SPG11: variants seen among roughly 807,000 people sequenced by gnomAD.
The protein encoded by SPG11 is spatacsin.
A neutral mutation model predicts 274.0 loss-of-function variants in SPG11; 222 were observed. That is an observed-to-expected ratio of 0.81 (90% CI 0.73 to 0.91). SPG11 has a LOEUF of 0.91. Ranked by LOEUF, SPG11 falls within the 40% of genes least tolerant of loss-of-function variation. The pLI, the probability that SPG11 is intolerant of heterozygous loss-of-function variation, is 0.00. For synonymous variants in SPG11, 1,144 were observed against 1,039.7 expected, an observed-to-expected ratio of 1.10 and a Z score of -1.93; for missense variants, 3,114 against 2,872.7, an observed-to-expected ratio of 1.08 and a Z score of -1.92.
chr15:44,596,443 T>C lies in SPG11; in HGVS notation c.4162-88A>G, dbSNP rs1200056044. On this transcript the variant is annotated intron_variant, in intron 24 of 39. Transcript: ENST00000261866. ...TGTTAGAGAAAAGCATAGACAAAAT[T>C]ATGCTTTCTCACCCTGAACTAAGTC... 27 of 1,466,574 alleles carry C rather than the reference T, an allele frequency of 1.8e-5. No homozygotes were observed. In the Middle Eastern group the frequency reaches 6.9e-4, roughly 37 times the overall value. The allele number at this position is 1,466,574 out of a possible 1,614,324, so 90.8% of individuals were successfully genotyped here. A position where few individuals can be genotyped will look rare whatever the true frequency, so the allele number is the denominator to read the frequency against.
chr15:44,605,726 T>C (rs986694525), intron 20 of SPG11, among the ~76,000 whole-genome samples: 1 of 152,216 alleles, frequency 6.6e-6, no homozygotes, highest in Non-Finnish European at 1.5e-5. Context: ...TGCTGACACC[T>C]ATGCTTTTAA....
In SPG11 at chr15:44,652,257, T is replaced by C. The variant is rs2084805384; in HGVS notation, c.879A>G (p.Pro293=). The change falls in exon 5 of 40, where the codon CCA becomes CCG. Residue 293 remains proline (P), a synonymous_variant. Transcript: ENST00000261866. Reference sequence around the variant, plus strand: ...GTATTCTTTCACACAGTAGGTGTCCTGGGTGTTGCCTACATTTAAAAATAA... The same window carrying C: ...GTATTCTTTCACACAGTAGGTGTCCCGGGTGTTGCCTACATTTAAAAATAA... ...LNLNLYFRQH[P]GHLLCERILE... 6.2e-7 allele frequency: 1 copy of C among 1,614,098 alleles called. No homozygotes were observed. The highest frequency in any genetic ancestry group is 8.5e-7 in the Non-Finnish European group (1 of 1,180,014).
intron 27 of SPG11, among the ~76,000 whole-genome samples, chr15:44,591,258 A>C (rs2082893128): frequency 6.6e-6 from 1 of 152,248 alleles, no homozygotes; most frequent in African/African-American, 2.4e-5. Flanking sequence ...ATTCCTGCTT[A>C]GACACTGTTC....
chr15:44,592,067 T>A (rs995212339), intron 27 of SPG11, among the ~76,000 whole-genome samples: 2 of 147,410 alleles, frequency 1.4e-5, no homozygotes, highest in African/African-American at 5.1e-5. Flanking sequence ...GCGGAGATCA[T>A]GCCACCGCAC....
At chr15:44,597,110 CTTTTTTT>C (rs201600828) in intron 23 of SPG11, 167 bp from the exon 24 acceptor site, 36 of 345,694 alleles carry the variant, frequency 1.0e-4, no homozygotes, top group South Asian at 3.7e-4. Flanking sequence ...AAAGTAGATT[CTTTTTTT>C]TTTTTTTTTT....
chr15:44,571,857 T>A (rs2082432596), intron 33 of SPG11, among the ~76,000 whole-genome samples: 1 of 152,136 alleles, frequency 6.6e-6, no homozygotes, highest in African/African-American at 2.4e-5. Context: ...AGTGTTGCAA[T>A]CACAGCTCAT....
intron 11 of SPG11, among the ~76,000 whole-genome samples, chr15:44,623,930 T>C (rs2083824299): frequency 6.6e-6 from 1 of 152,010 alleles, no homozygotes; most frequent in Admixed American, 6.6e-5. Flanking sequence ...TGGCTAATTT[T>C]TGGCCTTTTT....
intron 15 of SPG11, among the ~76,000 whole-genome samples, chr15:44,618,904 T>A (rs1244804710): frequency 6.6e-6 from 1 of 152,188 alleles, no homozygotes; most frequent in Non-Finnish European, 1.5e-5. Context: ...TTTTATCAAA[T>A]GCTTTTCTGT....
intron 39 of SPG11, among the ~76,000 whole-genome samples, chr15:44,563,784 G>A (rs906214180): frequency 6.6e-6 from 1 of 152,064 alleles, no homozygotes; most frequent in African/African-American, 2.4e-5. Flanking sequence ...GCACCACTGT[G>A]CCCACCTTAG....
chr15:44,608,410 A>G, intron 19 of SPG11, 34 bp downstream of exon 19: 2 of 1,609,080 alleles, frequency 1.2e-6, no homozygotes, highest in Admixed American at 3.3e-5. Context: ...CTGAACTCTG[A>G]TAGACCTAAA....
At chr15:44,578,894 G>A (rs1290647504) in intron 30 of SPG11, among the ~76,000 whole-genome samples, 2 of 152,134 alleles carry the variant, frequency 1.3e-5, no homozygotes, top group Non-Finnish European at 2.9e-5. Context: ...GGCGGCTCAT[G>A]CCTGTAATCC....
In SPG11 at chr15:44,600,493, T is replaced by TA; in HGVS notation, c.3659dup (p.Leu1220PhefsTer17). The TA allele has an allele frequency of 6.2e-7, 1 of 1,614,122 alleles. No individual in the cohort carries two copies. Among genetic ancestry groups the TA allele is most frequent in the South Asian group, 1.1e-5 (1 of 91,082 alleles). On this transcript the variant is annotated frameshift_variant, in exon 21 of 40. Coordinates refer to ENST00000261866, the MANE Select transcript of SPG11 (RefSeq NM_025137.4). LOFTEE classifies it high-confidence loss of function. ...GCTGCTTGGGAGTCTTGCTCTTGAT[T>TA]AATTCCTGGACCAGAAAAGTACCAA...
chr15:44,573,114 G>A (rs1335776333), intron 32 of SPG11, among the ~76,000 whole-genome samples: 1 of 150,696 alleles, frequency 6.6e-6, no homozygotes, highest in Non-Finnish European at 1.5e-5. Flanking sequence ...AGCCTCCTGA[G>A]TAGCTGGGAC....
intron 28 of SPG11, chr15:44,588,723 C>A (rs1427393024): frequency 5.3e-6 from 2 of 379,606 alleles, no homozygotes; most frequent in Non-Finnish European, 1.1e-5. Context: ...GGTCCTAAGA[C>A]CAACCTTTGA....
chr15:44,565,706 C>G lies in SPG11; in HGVS notation c.6999+148G>C, dbSNP rs113977890. On this transcript the variant is annotated intron_variant, in intron 38 of 39. Coordinates refer to ENST00000261866, the MANE Select transcript of SPG11 (RefSeq NM_025137.4). ...ACTAGAGAGAAATACATCAAATTGC[C>G]GTTCTATGTTGGTATCAGAGAGTTA... is the stretch of plus-strand genomic sequence containing the variant. 2.4e-3 allele frequency: 2,315 copies of G among 970,704 alleles called. 39 individuals carry two copies. In the African/African-American group the frequency reaches 0.033, roughly 14 times the overall value. 60.1% of individuals were successfully genotyped at this position (970,704 alleles called of 1,614,324 possible). A position where few individuals can be genotyped will look rare whatever the true frequency, so the allele number is the denominator to read the frequency against.
At chr15:44,633,129 A>G (rs146703402) in intron 8 of SPG11, among the ~76,000 whole-genome samples, 21 of 151,826 alleles carry the variant, frequency 1.4e-4, no homozygotes, top group Non-Finnish European at 2.4e-4. Context: ...GTTTGAGCCC[A>G]GGAGTTTGAG....
rs2082716249 is a variant in SPG11 at position 44,584,418 on chromosome 15, G to A, written c.5262C>T (p.Thr1754=). 4 of 1,614,010 alleles carry A rather than the reference G, an allele frequency of 2.5e-6. No individual in the cohort carries two copies. Among genetic ancestry groups the A allele is most frequent in the Non-Finnish European group, 3.4e-6 (4 of 1,180,032 alleles). Residue 1754 remains threonine, a synonymous_variant, in exon 30 of 40, where the codon ACC becomes ACT. Transcript: ENST00000261866. ...GGTGCTCACATGCCACATGGGCCTGGGTTGAGAAAAAGGAAGAAGCTGCTT... is the reference window on the plus strand; with the variant it reads ...GGTGCTCACATGCCACATGGGCCTGAGTTGAGAAAAAGGAAGAAGCTGCTT... ...SSKAASSFFS[T]QAHVACEHPT... is the part of the protein sequence containing the mutation.
rs530048042 is a variant in SPG11 at position 44,622,270 on chromosome 15, C to T, written c.2394G>A (p.Lys798=). ...TTTCTTGGAAATGTCCCAAATAAAG[C>T]TTCTCAACTTGATGCACGAAGTCTA... ...RTIDFVHQVE[K]LYLGHFQENM... The change falls in exon 13 of 40, where the codon AAG becomes AAA. Residue 798 remains lysine (K), a synonymous_variant. Transcript: ENST00000261866. The T allele has an allele frequency of 1.2e-6, 2 of 1,610,146 alleles. No individual in the cohort carries two copies. The highest frequency in any genetic ancestry group is 2.2e-5 in the South Asian group (2 of 90,886).
Position 44,576,857 on chromosome 15 carries a change from C to T in SPG11, c.5867-1816G>A, listed in dbSNP as rs573988747. Among the ~76,000 whole-genome samples, 677 of 152,044 alleles carry T rather than the reference C, an allele frequency of 4.5e-3. 4 individuals are homozygous for T. The highest frequency in any genetic ancestry group is 0.016 in the African/African-American group (644 of 41,494). On this transcript the variant is annotated intron_variant, in intron 30 of 39. Coordinates refer to ENST00000261866, the MANE Select transcript of SPG11 (RefSeq NM_025137.4). ...GCTTTTTTTGTGTGTGATGAAGTCTCACTCTGTCGCCCAGGCTAGAGTGCA... is the reference window on the plus strand; with the variant it reads ...GCTTTTTTTGTGTGTGATGAAGTCTTACTCTGTCGCCCAGGCTAGAGTGCA...
Sources: gnomAD v4.1 joint callset for allele counts (sites outside exome capture counted in the v4.1 genomes callset) on GRCh38, gnomAD v4.1.1 for gene constraint, MANE v1.5 for transcripts, NCBI Gene and HGNC (gene_info 2026-07-23, HGNC 2026-07-21) for gene names.